ITK: variants seen among roughly 807,000 people sequenced by gnomAD.
ITK encodes the protein tyrosine-protein kinase ITK/TSK.
Under a neutral mutation model 87.6 loss-of-function variants are expected in ITK, and 45 were observed. The observed-to-expected ratio is 0.51, with a 90% CI of 0.40 to 0.66. The LOEUF (loss-of-function observed/expected upper bound fraction) is 0.66, where lower values mean the gene tolerates loss of function less well. Ranked by LOEUF, ITK falls within the 30% of genes least tolerant of loss-of-function variation. ITK has a pLI of 0.00. For missense variants in ITK, 605 were observed against 766.3 expected (o/e 0.79, Z 2.48); for synonymous variants, 303 against 273.6 (o/e 1.11, Z -1.06).
chr5:157,232,222 T>C (rs1007244697), intron 7 of ITK, 118 bp from the exon 8 acceptor site: 1 of 730,750 alleles, frequency 1.4e-6, no homozygotes, highest in African/African-American at 1.8e-5. Context: ...ACTTAAAATT[T>C]TTTTAAAGCA....
chr5:157,237,684 C>A (rs1350683179), intron 8 of ITK, among the ~76,000 whole-genome samples: 1 of 152,200 alleles, frequency 6.6e-6, no homozygotes, highest in African/African-American at 2.4e-5. Context: ...GCTCACATAC[C>A]AGAGTTCAAA....
At chr5:157,186,659 A>G (rs1753648782) in intron 1 of ITK, among the ~76,000 whole-genome samples, 1 of 149,300 alleles carries the variant, frequency 6.7e-6, no homozygotes, top group Non-Finnish European at 1.5e-5. Context: ...CTGGGCAACA[A>G]GAGTGAAACT....
At chr5:157,241,592 T>C in intron 10 of ITK, 54 bp from the exon 11 acceptor site, 2 of 1,189,268 alleles carry the variant, frequency 1.7e-6, no homozygotes, top group Non-Finnish European at 2.5e-6. Context: ...TTAAGTTAGA[T>C]GGTTGCTAGA....
At chr5:157,211,412 C>T (rs77829832) in intron 3 of ITK, 44 bp downstream of exon 3, 11 of 1,463,292 alleles carry the variant, frequency 7.5e-6, no homozygotes, top group African/African-American at 1.4e-5. Flanking sequence ...ACTCTTGATC[C>T]TATAGTAGGG....
At chr5:157,236,887 C>A (rs531435015) in intron 8 of ITK, among the ~76,000 whole-genome samples, 1 of 152,230 alleles carries the variant, frequency 6.6e-6, no homozygotes. Flanking sequence ...TTTCCTTCCG[C>A]CCTGCAGCCA....
At chr5:157,202,574 A>G (rs760664971) in intron 1 of ITK, among the ~76,000 whole-genome samples, 1 of 152,114 alleles carries the variant, frequency 6.6e-6, no homozygotes, top group Non-Finnish European at 1.5e-5. Context: ...TATCTTTGCT[A>G]TTGTGATTAG....
chr5:157,201,244 A>G (rs1414796683), intron 1 of ITK, among the ~76,000 whole-genome samples: 1 of 151,796 alleles, frequency 6.6e-6, no homozygotes, highest in Non-Finnish European at 1.5e-5. Context: ...ATTATACTTA[A>G]TGGTGAAAGA....
intron 3 of ITK, among the ~76,000 whole-genome samples, chr5:157,212,849 CA>C (rs372492636): frequency 1.6e-4 from 22 of 140,632 alleles, no homozygotes; most frequent in East Asian, 2.1e-4. Context: ...CTTACCCCAC[CA>C]AAAAAAAAAG....
intron 6 of ITK, among the ~76,000 whole-genome samples, chr5:157,223,596 G>A (rs1257174730): frequency 1.3e-5 from 2 of 148,154 alleles, no homozygotes; most frequent in Non-Finnish European, 3.0e-5. Flanking sequence ...TACCAAGCAT[G>A]AGATTCACAC....
chr5:157,200,692 C>A (rs775757954), intron 1 of ITK, among the ~76,000 whole-genome samples: 2 of 152,126 alleles, frequency 1.3e-5, no homozygotes, highest in African/African-American at 4.8e-5. Flanking sequence ...ATGAGAGTGA[C>A]GTTGACGGTG....
At chr5:157,226,155 T>C (rs1314387501) in intron 6 of ITK, among the ~76,000 whole-genome samples, 1 of 152,220 alleles carries the variant, frequency 6.6e-6, no homozygotes, top group Non-Finnish European at 1.5e-5. Flanking sequence ...TGTGTGACCA[T>C]GTCATTCACA....
intron 16 of ITK, among the ~76,000 whole-genome samples, chr5:157,249,825 G>A (rs1373763389): frequency 6.6e-6 from 1 of 152,122 alleles, no homozygotes. Context: ...ACATAAAGGA[G>A]GGCATAAAAC....
chr5:157,245,565 C>A (rs536646206), intron 13 of ITK, 161 bp from the exon 14 acceptor site: 1 of 689,556 alleles, frequency 1.5e-6, no homozygotes, highest in Admixed American at 2.1e-5. Context: ...TAACTTCCAG[C>A]GGCATTTGTG....
intron 4 of ITK, among the ~76,000 whole-genome samples, chr5:157,216,683 G>A (rs1361927570): frequency 1.3e-5 from 2 of 152,136 alleles, no homozygotes; most frequent in African/African-American, 2.4e-5. Flanking sequence ...AGAGAGACCA[G>A]TCATAGAATG....
chr5:157,214,771 G>T (rs1260240356), intron 4 of ITK, among the ~76,000 whole-genome samples: 1 of 152,142 alleles, frequency 6.6e-6, no homozygotes, highest in Non-Finnish European at 1.5e-5. Context: ...GTGACATCAT[G>T]TCACACATAA....
intron 8 of ITK, 21 bp downstream of exon 8, chr5:157,232,415 T>C: frequency 6.4e-7 from 1 of 1,554,186 alleles, no homozygotes; most frequent in Non-Finnish European, 8.9e-7. Flanking sequence ...TTAACCTGTC[T>C]TTTGACATAA....
intron 8 of ITK, among the ~76,000 whole-genome samples, chr5:157,237,725 C>T (rs1000618916): frequency 5.3e-5 from 8 of 152,102 alleles, no homozygotes; most frequent in Non-Finnish European, 1.2e-4. Context: ...AGTTGTGGGT[C>T]GTGGGAATGC....
intron 1 of ITK, among the ~76,000 whole-genome samples, chr5:157,204,135 C>A (rs1754031794): frequency 6.6e-6 from 1 of 152,192 alleles, no homozygotes; most frequent in Non-Finnish European, 1.5e-5. Context: ...TTCACCCTCC[C>A]AAGTAGCTGG....
intron 1 of ITK, chr5:157,194,941 T>C (rs1753824156): frequency 6.6e-6 from 1 of 152,140 alleles, no homozygotes; most frequent in South Asian, 2.1e-4. Context: ...CATAATTCAT[T>C]ATAATTTGCT....
Sources: gnomAD v4.1 joint callset for allele counts (sites outside exome capture counted in the v4.1 genomes callset) on GRCh38, gnomAD v4.1.1 for gene constraint, MANE v1.5 for transcripts, NCBI Gene and HGNC (gene_info 2026-07-23, HGNC 2026-07-21) for gene names.